Variants in SNX19 observed in about 807,000 individuals in gnomAD.
The protein encoded by SNX19 is sorting nexin-19.
In SNX19, 60 loss-of-function variants were observed where a neutral mutation model predicts 85.2. The observed-to-expected ratio is 0.70, with a 90% CI of 0.57 to 0.87. The LOEUF (loss-of-function observed/expected upper bound fraction) is 0.87. SNX19 is among the 40% of genes least tolerant of loss of function. The pLI, the probability that SNX19 is intolerant of heterozygous loss-of-function variation, is 0.00. For synonymous variants in SNX19, 520 were observed against 470.0 expected, an observed-to-expected ratio of 1.11 and a Z score of -1.38; for missense variants, 1,201 against 1,217.8, an observed-to-expected ratio of 0.99 and a Z score of 0.21.
intron 8 of SNX19, among the ~76,000 whole-genome samples, chr11:130,895,623 G>A (rs758960614): frequency 6.6e-5 from 10 of 152,120 alleles, no homozygotes; most frequent in Non-Finnish European, 1.2e-4. Context: ...AAGGCTCTGA[G>A]GTTTAAATAC....
intron 4 of SNX19, among the ~76,000 whole-genome samples, chr11:130,909,415 T>C (rs1442890519): frequency 1.3e-5 from 2 of 152,232 alleles, no homozygotes; most frequent in Admixed American, 6.5e-5. Context: ...ACACATCACT[T>C]TTGATAAACA....
At chr11:130,885,187 C>CA (rs1318852111) in intron 8 of SNX19, among the ~76,000 whole-genome samples, 2 of 152,026 alleles carry the variant, frequency 1.3e-5, no homozygotes, top group Non-Finnish European at 2.9e-5. Flanking sequence ...GTAAAATGGC[C>CA]AAAAAACCCC....
At chr11:130,893,670 A>G (rs1944663618) in intron 8 of SNX19, 2 of 631,798 alleles carry the variant, frequency 3.2e-6, no homozygotes, top group Non-Finnish European at 5.6e-6. Flanking sequence ...AGCACTGACT[A>G]TGGGTAGAAA....
chr11:130,909,726 C>T (rs4403815), intron 4 of SNX19, among the ~76,000 whole-genome samples: 24,193 of 152,170 alleles, frequency 0.16, 2,198 homozygotes, highest in Middle Eastern at 0.25. Context: ...GATCAATCTT[C>T]ACATGCCTCC....
chr11:130,906,476 T>C (rs1422090869), intron 6 of SNX19, 149 bp downstream of exon 6: 3 of 673,562 alleles, frequency 4.5e-6, no homozygotes, highest in Non-Finnish European at 7.6e-6. Context: ...TTAGAGAAAA[T>C]ACTTTTAGCA....
chr11:130,889,280 A>G (rs1944322407), intron 8 of SNX19, among the ~76,000 whole-genome samples: 1 of 151,906 alleles, frequency 6.6e-6, no homozygotes. Flanking sequence ...GCAGTTAACT[A>G]CCCTGGTTTC....
At chr11:130,890,017 CATT>C (rs1944387901) in intron 8 of SNX19, among the ~76,000 whole-genome samples, 1 of 152,122 alleles carries the variant, frequency 6.6e-6, no homozygotes, top group African/African-American at 2.4e-5. Context: ...CTGGGTGCAT[CATT>C]GATTTTTATA....
At position 130,903,399 on chromosome 11, in the gene SNX19, G is replaced by A. The variant is rs752751398; in HGVS notation, c.2444-15C>T. On this transcript the variant is annotated splice_polypyrimidine_tract_variant and intron_variant, in intron 7 of 10. Coordinates refer to ENST00000265909, the MANE Select transcript of SNX19 (RefSeq NM_014758.3). ...TGTCTCTGTTCCTGAGGGATAAAAT[G>A]GCATCAGGAGTAACTCAGAAGAGAC... 6.2e-7 allele frequency: 1 copy of A among 1,611,346 alleles called. No homozygotes were observed. The highest frequency in any genetic ancestry group is 1.1e-5 in the South Asian group (1 of 90,824).
intron 2 of SNX19, among the ~76,000 whole-genome samples, chr11:130,911,010 CATGGTGAAACCCCATCTCTA>C (rs1946068438): frequency 6.6e-6 from 1 of 152,060 alleles, no homozygotes; most frequent in African/African-American, 2.4e-5. Flanking sequence ...GCCTGACCAA[CATGGTGAAACCCCATCTCTA>C]CTAAAAATAC....
At chr11:130,899,671 T>A (rs1020658918) in intron 8 of SNX19, among the ~76,000 whole-genome samples, 2 of 152,200 alleles carry the variant, frequency 1.3e-5, no homozygotes, top group African/African-American at 4.8e-5. Context: ...AAGAACTTGT[T>A]GACAGGAAGG....
rs1946491637 is a variant in SNX19 at position 130,915,438 on chromosome 11, T to C, written c.502A>G (p.Ser168Gly). ...GTGGCCTCCTTTGCCTGAATGTAGC[T>C]CTGCAGGTGACAACCGCAGAGAGTC... ...VLTLCGCHLQ[S>G]YIQAKEATAG... The change falls in exon 1 of 11, where the codon AGC becomes GGC. Residue 168 changes from serine (S) to glycine (G), a missense_variant. By Grantham distance (56) the Ser-to-Gly change is moderately conservative. Transcript: ENST00000265909. 1 of 1,613,994 alleles carries C rather than the reference T, an allele frequency of 6.2e-7. No individual in the cohort carries two copies. The highest frequency in any genetic ancestry group is 8.5e-7 in the Non-Finnish European group (1 of 1,180,026).
chr11:130,915,022 A>G lies in SNX19; in HGVS notation c.918T>C (p.Ser306=). 1 of 1,614,104 alleles carries G rather than the reference A, an allele frequency of 6.2e-7. No individual in the cohort carries two copies. Among genetic ancestry groups the G allele is most frequent in the South Asian group, 1.1e-5 (1 of 91,088 alleles). ...TTAGGAATACTGGGGCTGCTACTGG[A>G]GAAGCTCTCCCTTCTGGAAGCTGCT... The part of the protein sequence containing the change: ...EVEQLPEGRA[S]PVAAPVFLSY... Residue 306 remains serine (S), a synonymous_variant, in exon 1 of 11, where the codon TCT becomes TCC. Transcript: ENST00000265909.
chr11:130,887,549 C>T (rs1001905242), intron 8 of SNX19, among the ~76,000 whole-genome samples: 1 of 152,182 alleles, frequency 6.6e-6, no homozygotes, highest in Non-Finnish European at 1.5e-5. Context: ...GCAATGTGAC[C>T]TCAGGCAAGT....
chr11:130,916,222 G>A lies in SNX19; in HGVS notation c.-283C>T. The A allele has an allele frequency of 2.3e-6, 1 of 425,988 alleles. No homozygotes were observed. Among genetic ancestry groups the A allele is most frequent in the East Asian group, 4.2e-5 (1 of 23,900 alleles). 26.4% of individuals were successfully genotyped at this position (425,988 alleles called of 1,614,324 possible). A position where few individuals can be genotyped will look rare whatever the true frequency, so the allele number is the denominator to read the frequency against. ...GGCCTTCACACTGCCCCAGGCGGAA[G>A]GCCTCTTCGGGGCCTCGGGGCGGGC... On this transcript the variant is annotated 5_prime_UTR_variant, in exon 1 of 11. Coordinates refer to ENST00000265909, the MANE Select transcript of SNX19 (RefSeq NM_014758.3).
Position 130,880,796 on chromosome 11 carries a change from C to T in SNX19, c.2584G>A (p.Val862Met), listed in dbSNP as rs749488314. The T allele has an allele frequency of 2.6e-6, 4 of 1,556,164 alleles. No individual in the cohort carries two copies. Among genetic ancestry groups the T allele is most frequent in the Non-Finnish European group, 2.6e-6 (3 of 1,138,730 alleles). ...GGACTTGTTAAATTAGCTACCTGCA[C>T]CTCTAGCCACCTGTGGTAGAAGAGA... The part of the protein sequence containing the change: ...FGTLVQRWLE[V>M]QVANLTSPQR... The change falls in exon 9 of 11, where the codon GTG (valine) becomes ATG (methionine). Residue 862 changes from valine (V) to methionine (M), a missense_variant. This residue lies in a region of SNX19 where 285 missense variants were observed against 295.3 expected (regional missense o/e 0.97). Transcript: ENST00000265909.
In SNX19 at chr11:130,869,356, A is replaced by G. The variant is rs182283711; in HGVS notation, c.*9066T>C. The stretch of plus-strand genomic sequence containing the variant: ...TAAAAAGGCACATGGAACTATATGA[A>G]CAGATGCCATTAACAGGTTTTTGCT... On this transcript the variant is annotated 3_prime_UTR_variant, in exon 11 of 11. Transcript: ENST00000265909. 1 of 152,362 alleles carries G rather than the reference A, an allele frequency of 6.6e-6. No individual in the cohort carries two copies. The highest frequency in any genetic ancestry group is 6.5e-5 in the Admixed American group (1 of 15,308). 9.4% of individuals were successfully genotyped at this position (152,362 alleles called of 1,614,324 possible). A position where few individuals can be genotyped will look rare whatever the true frequency, so the allele number is the denominator to read the frequency against.
intron 1 of SNX19, among the ~76,000 whole-genome samples, chr11:130,913,595 TGG>T (rs147962806): frequency 0.16 from 24,122 of 152,184 alleles, 2,171 homozygotes; most frequent in Middle Eastern, 0.25. Context: ...AATTCAAGTG[TGG>T]AAGGCAAGTA....
chr11:130,893,228 G>A (rs559960608), intron 8 of SNX19, among the ~76,000 whole-genome samples: 3 of 152,228 alleles, frequency 2.0e-5, no homozygotes, highest in Admixed American at 2.0e-4. Context: ...CGCAGAAGGG[G>A]CTGACCTCCA....
rs1162127129 is a variant in SNX19 at position 130,872,720 on chromosome 11, G to A, written c.*5702C>T. On this transcript the variant is annotated 3_prime_UTR_variant, in exon 11 of 11. Coordinates refer to ENST00000265909, the MANE Select transcript of SNX19 (RefSeq NM_014758.3). ...AGTGGAAAGGAAGCAGAGGGGCCAA[G>A]TTATGGCAGAGTGCGCCCAGTTAGG... Among the ~76,000 whole-genome samples the A allele has an allele frequency of 6.6e-6, 1 of 152,184 alleles. No homozygotes were observed. Among genetic ancestry groups the A allele is most frequent in the Non-Finnish European group, 1.5e-5 (1 of 68,038 alleles).
Sources: allele counts gnomAD v4.1 joint callset (sites outside exome capture counted in the v4.1 genomes callset), GRCh38; gene constraint gnomAD v4.1.1; regional missense constraint gnomAD v4.1.1; transcripts MANE v1.5; gene names NCBI Gene and HGNC (gene_info 2026-07-23, HGNC 2026-07-21).